MIDN: variants seen among roughly 807,000 people sequenced by gnomAD.
The protein encoded by MIDN is midbrain nucleolar protein.
A neutral mutation model predicts 46.1 loss-of-function variants in MIDN; 26 were observed. The observed-to-expected ratio is 0.56, with a 90% CI of 0.41 to 0.78. The LOEUF (loss-of-function observed/expected upper bound fraction) is 0.78, where lower values mean the gene tolerates loss of function less well. MIDN is among the 30% of genes least tolerant of loss of function. The probability of loss-of-function intolerance (pLI) is 0.00; values close to 1 mark genes in which losing one functional copy is unlikely to be tolerated. For synonymous variants in MIDN, 432 were observed against 343.3 expected (o/e 1.26, Z -2.86); for missense variants, 850 against 771.8 (o/e 1.10, Z -1.20).
Position 1,255,711 on chromosome 19 carries a change from G to A in MIDN, c.1258+17G>A, listed in dbSNP as rs779622733. 1.6e-5 allele frequency: 25 copies of A among 1,544,478 alleles called. No homozygotes were observed. Among genetic ancestry groups the A allele is most frequent in the Middle Eastern group, 3.4e-4 (2 of 5,820 alleles). The stretch of plus-strand genomic sequence containing the variant: ...AGCCCCCGGGTGAGTGGCCACCCTC[G>A]GGGGTCCTACCTTCCCCGCCCGCCT... On this transcript the variant is annotated intron_variant, in intron 8 of 8. Transcript: ENST00000682408.
Position 1,253,979 on chromosome 19 carries a change from G to T in MIDN, c.410G>T (p.Arg137Leu). The T allele has an allele frequency of 7.2e-7, 1 of 1,393,986 alleles. No individual in the cohort carries two copies. The allele number at this position is 1,393,986 out of a possible 1,614,324, so 86.4% of individuals were successfully genotyped here. ...CCCCCAGCGGCGCCCGGGCCGGGCC[G>T]GGCTGGCGGAGGAGGCTTCCGGAAA... is the stretch of plus-strand genomic sequence containing the variant. ...TQPPAAPGPG[R>L]AGGGGFRKYR... The change falls in exon 5 of 9, where the codon CGG becomes CTG. Residue 137 changes from arginine (R) to leucine (L), a missense_variant. Transcript: ENST00000682408.
chr19:1,254,976 C>G lies in MIDN; in HGVS notation c.900C>G (p.Ser300Arg), dbSNP rs750859694. The change falls in exon 7 of 9, where the codon AGC (serine) becomes AGG (arginine). Residue 300 changes from serine (S) to arginine (R), a missense_variant. Coordinates refer to ENST00000682408, the MANE Select transcript of MIDN (RefSeq NM_001388306.1). ...GCACCACGTCTACCCCAGGGGCCAG[C>G]CCTGCCCCCCGCTCCCGAAAACCCG... ...GASTTSTPGA[S>R]PAPRSRKPGA... The G allele has an allele frequency of 1.9e-6, 3 of 1,612,986 alleles. No individual in the cohort carries two copies. The highest frequency in any genetic ancestry group is 2.5e-6 in the Non-Finnish European group (3 of 1,179,868).
At chr19:1,253,839 G>C (rs1016396917) in intron 4 of MIDN, 115 bp from the exon 5 acceptor site, 13 of 825,942 alleles carry the variant, frequency 1.6e-5, no homozygotes, top group Non-Finnish European at 2.1e-5. Context: ...GGTTGTTTGA[G>C]GTCAGTGACT....
rs1379932097 is a variant in MIDN, at chr19:1,258,228, C to T, written c.*956C>T. On this transcript the variant is annotated 3_prime_UTR_variant, in exon 9 of 9. Transcript: ENST00000682408. Reference sequence around the variant, plus strand: ...AATGGCTGGGTGCTGGGGAGTTCCCCCCTCCGAGCCCTCCTTCCCGGCCCA... The same window carrying T: ...AATGGCTGGGTGCTGGGGAGTTCCCTCCTCCGAGCCCTCCTTCCCGGCCCA... The T allele has an allele frequency of 1.3e-5, 2 of 152,626 alleles. No homozygotes were observed. Among genetic ancestry groups the T allele is most frequent in the Non-Finnish European group, 2.9e-5 (2 of 68,076 alleles). The allele number at this position is 152,626 out of a possible 1,614,324, so 9.5% of individuals were successfully genotyped here. A position where few individuals can be genotyped will look rare whatever the true frequency, so the allele number is the denominator to read the frequency against.
Position 1,254,307 on chromosome 19 carries a change from CGCT to C in MIDN, c.660_662del (p.Ala221del). The C allele has an allele frequency of 6.4e-7, 1 of 1,568,006 alleles. No individual in the cohort carries two copies. Among genetic ancestry groups the C allele is most frequent in the Non-Finnish European group, 8.6e-7 (1 of 1,164,498 alleles). ...ATGTGCTGGCCGCTGCGGCCGCCGC[CGCT>C]GCTGCGCGGGGGGACCCCAGCATAG... is the stretch of plus-strand genomic sequence containing the variant. On this transcript the variant is annotated inframe_deletion, in exon 6 of 9. Transcript: ENST00000682408.
chr19:1,251,153 C>G (rs1222051788), intron 2 of MIDN: 1 of 170,262 alleles, frequency 5.9e-6, no homozygotes, highest in Admixed American at 6.4e-5. Flanking sequence ...GGCGCAACCC[C>G]CAGGGCCTCT....
At chr19:1,254,625 TC>T in intron 6 of MIDN, 147 bp downstream of exon 6, 1 of 901,498 alleles carries the variant, frequency 1.1e-6, no homozygotes, top group Non-Finnish European at 1.7e-6. Flanking sequence ...TGGTGGGTGA[TC>T]CCCCAGCCTA....
At chr19:1,253,427 C>CT (rs965662630) in intron 4 of MIDN, among the ~76,000 whole-genome samples, 2 of 151,398 alleles carry the variant, frequency 1.3e-5, no homozygotes, top group African/African-American at 2.4e-5. Context: ...CGCCACCCCC[C>CT]CCCCCATCCC....
chr19:1,249,616 G>A (rs2145482382), intron 1 of MIDN, among the ~76,000 whole-genome samples: 2 of 149,384 alleles, frequency 1.3e-5, no homozygotes, highest in Non-Finnish European at 3.0e-5. Context: ...CGGGGCGGGG[G>A]CGGGCGCGGA....
At chr19:1,256,109 C>G (rs1163560088) in intron 8 of MIDN, among the ~76,000 whole-genome samples, 3 of 152,272 alleles carry the variant, frequency 2.0e-5, no homozygotes, top group Non-Finnish European at 4.4e-5. Context: ...GTTACTCCCT[C>G]CAGAGTCTCA....
At position 1,255,604 on chromosome 19, in the gene MIDN, C is replaced by T. The variant is rs187496777; in HGVS notation, c.1168C>T (p.Pro390Ser). The change falls in exon 8 of 9, where the codon CCC becomes TCC. Residue 390 changes from proline to serine, a missense_variant. Transcript: ENST00000682408. ...SPASPAPDLA[P>S]RTTSCEKLTA... is the part of the protein sequence containing the mutation. ...GGCCTCACCGGCCCCCGACCTGGCC[C>T]CCAGAACTACCTCCTGCGAGAAGCT... 13 of 1,609,730 alleles carry T rather than the reference C, an allele frequency of 8.1e-6. No individual in the cohort carries two copies. In the East Asian group the frequency reaches 2.7e-4, roughly 33 times the overall value.
chr19:1,255,042 C>T lies in MIDN; in HGVS notation c.966C>T (p.Val322=), dbSNP rs1237799863. The T allele has an allele frequency of 6.2e-7, 1 of 1,612,978 alleles. No homozygotes were observed. The highest frequency in any genetic ancestry group is 1.1e-5 in the South Asian group (1 of 91,046). ...IESFVNHAPG[V]FSGTFSGTLH... ...GCTTTGTGAATCACGCCCCGGGGGT[C>T]TTCTCAGGGACCTTCTCTGGTAGGT... is the stretch of plus-strand genomic sequence containing the variant. The change falls in exon 7 of 9, where the codon GTC becomes GTT. Residue 322 remains valine (V), a synonymous_variant. Coordinates refer to ENST00000682408, the MANE Select transcript of MIDN (RefSeq NM_001388306.1).
intron 4 of MIDN, among the ~76,000 whole-genome samples, chr19:1,252,194 C>CA: frequency 6.6e-6 from 1 of 152,348 alleles, no homozygotes; most frequent in East Asian, 1.9e-4. Context: ...TCCCCGCTCA[C>CA]ACCCTGGCCT....
chr19:1,250,440 G>A lies in MIDN; in HGVS notation c.144G>A (p.Pro48=). 7.2e-7 allele frequency: 1 copy of A among 1,384,130 alleles called. No homozygotes were observed. Among genetic ancestry groups the A allele is most frequent in the Non-Finnish European group, 9.6e-7 (1 of 1,047,000 alleles). The allele number at this position is 1,384,130 out of a possible 1,614,324, so 85.7% of individuals were successfully genotyped here. A position where few individuals can be genotyped will look rare whatever the true frequency, so the allele number is the denominator to read the frequency against. ...TTGTRYDLAV[P]PDETVEGLRK... ...GCACCCGCTACGACCTGGCCGTGCC[G>A]CCCGACGAGACGGTGGAGGGGCTGC... Residue 48 remains proline (P), a synonymous_variant, in exon 2 of 9, where the codon CCG becomes CCA. Coordinates refer to ENST00000682408, the MANE Select transcript of MIDN (RefSeq NM_001388306.1).
rs1377661426 is a variant in MIDN, at chr19:1,257,148, ACAGCAGTAGCAGCGGGGGCGGCGG to A, written c.1417_1440del (p.Ser473_Ser480del). ...CCCAGCCGCAAGGCCGGCCGCAGCG[ACAGCAGTAGCAGCGGGGGCGGCGG>A]CAGCCCCAGCGAGGCCTCCGGCTTG... On this transcript the variant is annotated inframe_deletion, in exon 9 of 9. Transcript: ENST00000682408. 6.2e-7 allele frequency: 1 copy of A among 1,611,390 alleles called. No homozygotes were observed. The highest frequency in any genetic ancestry group is 2.2e-5 in the East Asian group (1 of 44,856).
intron 1 of MIDN, among the ~76,000 whole-genome samples, chr19:1,249,658 C>G (rs2081098020): frequency 6.8e-6 from 1 of 146,018 alleles, no homozygotes; most frequent in South Asian, 2.1e-4. Context: ...CTGCGCTCCC[C>G]TTGGTCGCCT....
At chr19:1,250,559 C>T (rs2081112854) in intron 2 of MIDN, 30 bp downstream of exon 2, 4 of 1,120,578 alleles carry the variant, frequency 3.6e-6, no homozygotes, top group Admixed American at 4.2e-5. Context: ...GGCCGGCCGC[C>T]CCCTCGGGCC....
intron 7 of MIDN, 101 bp from the exon 8 acceptor site, chr19:1,255,321 C>A: frequency 7.1e-7 from 1 of 1,403,984 alleles, no homozygotes; most frequent in South Asian, 1.4e-5. Flanking sequence ...CCCACATGTC[C>A]ACGCCATTGC....
intron 2 of MIDN, 53 bp downstream of exon 2, chr19:1,250,582 C>T: frequency 2.9e-6 from 3 of 1,019,944 alleles, no homozygotes; most frequent in South Asian, 4.4e-5. Flanking sequence ...GGCCCCCGGG[C>T]GGGAACAAAG....
Sources: allele counts gnomAD v4.1 joint callset (sites outside exome capture counted in the v4.1 genomes callset), GRCh38; gene constraint gnomAD v4.1.1; transcripts MANE v1.5; gene names NCBI Gene and HGNC (gene_info 2026-07-23, HGNC 2026-07-21).